Variants in PTPN13 observed in about 807,000 individuals in gnomAD.
PTPN13 encodes the protein protein tyrosine phosphatase non-receptor type 13, also known as tyrosine-protein phosphatase non-receptor type 13.
PTPN13 carries 191 observed loss-of-function variants against 284.0 expected under a neutral mutation model. The observed-to-expected ratio is 0.67, with a 90% CI of 0.60 to 0.76. PTPN13 has a LOEUF of 0.76. Among genes scored for constraint, PTPN13 ranks in the 30% least tolerant of loss-of-function variants. The pLI is 0.00. For synonymous variants in PTPN13, 986 were observed against 1,022.3 expected (o/e 0.96, Z 0.68); for missense variants, 2,797 against 2,939.9 (o/e 0.95, Z 1.12).
chr4:86,743,375 T>C (rs1736371166), intron 16 of PTPN13, among the ~76,000 whole-genome samples: 1 of 151,636 alleles, frequency 6.6e-6, no homozygotes, highest in Non-Finnish European at 1.5e-5. Context: ...GAAGATTCTT[T>C]CTTTCATGTT....
chr4:86,709,556 A>G (rs573238790), intron 7 of PTPN13, among the ~76,000 whole-genome samples: 1 of 152,266 alleles, frequency 6.6e-6, no homozygotes, highest in South Asian at 2.1e-4. Flanking sequence ...GACAAATCAC[A>G]CCTCCTCTTC....
intron 3 of PTPN13, among the ~76,000 whole-genome samples, chr4:86,674,582 T>A (rs1240378302): frequency 6.6e-6 from 1 of 152,206 alleles, no homozygotes; most frequent in Non-Finnish European, 1.5e-5. Context: ...GATTTAAGAT[T>A]ATCTACCTTT....
rs115183455 is a variant in PTPN13, at chr4:86,707,211, A to C, written c.1195+5410A>C. On this transcript the variant is annotated intron_variant, in intron 7 of 47. Coordinates refer to ENST00000411767, the MANE Select transcript of PTPN13 (RefSeq NM_080683.3). ...CTTCCAACAGTTGCAACTCCTCTGC[A>C]TTCTGCACAATACTAGAAAGGAAAG... Among the ~76,000 whole-genome samples the C allele has an allele frequency of 5.1e-4, 78 of 152,346 alleles. 2 individuals carry two copies. The highest frequency in any genetic ancestry group is 2.1e-3 in the Admixed American group (32 of 15,302).
chr4:86,751,095 T>TTGA lies in PTPN13; in HGVS notation c.3138_3140dup (p.Ile1046_Glu1047insAsp). 6.2e-7 allele frequency: 1 copy of TTGA among 1,605,108 alleles called. No individual in the cohort carries two copies. On this transcript the variant is annotated inframe_insertion, in exon 19 of 48. Coordinates refer to ENST00000411767, the MANE Select transcript of PTPN13 (RefSeq NM_080683.3). ...AAACATGAATCAGACTCCTCATCCATTGAAGACCCTGGGCAAGCATATGTT... is the reference window on the plus strand; with the variant it reads ...AAACATGAATCAGACTCCTCATCCATTGATGAAGACCCTGGGCAAGCATATGTT...
intron 36 of PTPN13, among the ~76,000 whole-genome samples, chr4:86,781,142 C>A (rs1382639273): frequency 6.6e-6 from 1 of 152,110 alleles, no homozygotes; most frequent in Non-Finnish European, 1.5e-5. Context: ...GTAACATCAT[C>A]CACAGAATTC....
chr4:86,667,390 G>A (rs1471296466), intron 2 of PTPN13, among the ~76,000 whole-genome samples: 3 of 151,870 alleles, frequency 2.0e-5, no homozygotes, highest in East Asian at 3.9e-4. Context: ...ATCCTTTATG[G>A]TATCAGAGAA....
Position 86,761,171 on chromosome 4 carries a change from A to T in PTPN13, c.3554-1556A>T, listed in dbSNP as rs28412618. Among the ~76,000 whole-genome samples, 46 of 85,916 alleles carry T rather than the reference A, an allele frequency of 5.4e-4. 2 individuals are homozygous for T. The highest frequency in any genetic ancestry group is 1.5e-3 in the African/African-American group (37 of 24,500). 56.4% of individuals were successfully genotyped at this position (85,916 alleles called of 152,430 possible). A position where few individuals can be genotyped will look rare whatever the true frequency, so the allele number is the denominator to read the frequency against. On this transcript the variant is annotated intron_variant, in intron 23 of 47. Transcript: ENST00000411767. ...ATATATATATATATATATATATATA[A>T]ACACAACACATACACACACTATTTT...
chr4:86,777,508 T>C (rs894359779), intron 35 of PTPN13, among the ~76,000 whole-genome samples: 3 of 152,172 alleles, frequency 2.0e-5, no homozygotes, highest in Non-Finnish European at 2.9e-5. Flanking sequence ...ATACAGTTTC[T>C]TTTGCCATAT....
intron 5 of PTPN13, chr4:86,690,150 G>A (rs927874736): frequency 1.3e-5 from 2 of 155,398 alleles, no homozygotes; most frequent in African/African-American, 2.4e-5. Flanking sequence ...ATAGTGAAGG[G>A]AAATGTAGGA....
intron 2 of PTPN13, among the ~76,000 whole-genome samples, chr4:86,662,789 A>T (rs1262206634): frequency 2.0e-5 from 3 of 152,246 alleles, no homozygotes; most frequent in Non-Finnish European, 4.4e-5. Context: ...GGTACTGGTT[A>T]TATGCCTAAT....
chr4:86,648,814 C>T (rs572659139), intron 2 of PTPN13, among the ~76,000 whole-genome samples: 2 of 152,234 alleles, frequency 1.3e-5, no homozygotes, highest in East Asian at 3.9e-4. Context: ...ATACTATTCT[C>T]CATAGTGGCT....
intron 16 of PTPN13, 25 bp downstream of exon 16, chr4:86,741,841 T>G (rs1736203065): frequency 2.6e-6 from 4 of 1,544,024 alleles, no homozygotes; most frequent in Non-Finnish European, 3.5e-6. Context: ...CCTCTTTTCA[T>G]TATATTTTCA....
intron 1 of PTPN13, among the ~76,000 whole-genome samples, chr4:86,628,749 G>A (rs1455971256): frequency 4.3e-5 from 6 of 140,276 alleles, no homozygotes; most frequent in African/African-American, 8.1e-5. Flanking sequence ...GAGAACATGC[G>A]GTGTTTGGTT....
At chr4:86,652,133 T>C (rs1213437501) in intron 2 of PTPN13, among the ~76,000 whole-genome samples, 1 of 152,192 alleles carries the variant, frequency 6.6e-6, no homozygotes, top group East Asian at 1.9e-4. Context: ...TTTTGTTTGG[T>C]TGATCTTTTG....
intron 30 of PTPN13, 140 bp from the exon 31 acceptor site, chr4:86,771,031 T>C: frequency 1.2e-6 from 1 of 811,204 alleles, no homozygotes; most frequent in Non-Finnish European, 1.9e-6. Context: ...TATTATTTTC[T>C]CTATTGAACA....
At chr4:86,669,731 C>T (rs1727525530) in intron 2 of PTPN13, among the ~76,000 whole-genome samples, 1 of 152,020 alleles carries the variant, frequency 6.6e-6, no homozygotes, top group African/African-American at 2.4e-5. Context: ...CCAGAATCCA[C>T]AGTGACAGGA....
intron 40 of PTPN13, among the ~76,000 whole-genome samples, chr4:86,795,174 A>G (rs1230398143): frequency 6.6e-6 from 1 of 152,218 alleles, no homozygotes; most frequent in African/African-American, 2.4e-5. Context: ...TGAATCTACA[A>G]ATAACTTAAA....
intron 28 of PTPN13, 144 bp downstream of exon 28, chr4:86,768,120 A>C: frequency 2.8e-6 from 2 of 710,942 alleles, no homozygotes; most frequent in Non-Finnish European, 2.2e-6. Flanking sequence ...ACATCACACC[A>C]TACTGAATAA....
chr4:86,803,844 C>G lies in PTPN13; in HGVS notation c.6641C>G (p.Ser2214Cys). The change falls in exon 43 of 48, where the codon TCT becomes TGT. Residue 2214 changes from serine to cysteine, a missense_variant. By Grantham distance (112) the Ser-to-Cys change is moderately radical. Coordinates refer to ENST00000411767, the MANE Select transcript of PTPN13 (RefSeq NM_080683.3). ...GGTTTGCTAGATCAAGGAATTCCTT[C>G]TAAGGAGCTGGAGGTAAGTGGCTTC... is the stretch of plus-strand genomic sequence containing the variant. ...LRGLLDQGIP[S>C]KELENLQELK... The G allele has an allele frequency of 6.2e-7, 1 of 1,613,500 alleles. No homozygotes were observed. Among genetic ancestry groups the G allele is most frequent in the Non-Finnish European group, 8.5e-7 (1 of 1,179,604 alleles).
Sources: allele counts gnomAD v4.1 joint callset (sites outside exome capture counted in the v4.1 genomes callset), GRCh38; gene constraint gnomAD v4.1.1; transcripts MANE v1.5; gene names NCBI Gene and HGNC (gene_info 2026-07-23, HGNC 2026-07-21).